Variants in NCOA4 observed in about 807,000 individuals in gnomAD.
The protein encoded by NCOA4 is 70 kDa AR-activator.
In NCOA4, 31 loss-of-function variants were observed where a neutral mutation model predicts 69.5. The ratio of observed to expected loss-of-function variants is 0.45; its 90% CI spans 0.34 to 0.60. NCOA4 has a LOEUF of 0.60. NCOA4 is among the 20% of genes least tolerant of loss of function. NCOA4 has a pLI of 0.02. For synonymous variants in NCOA4, 228 were observed against 252.4 expected, an observed-to-expected ratio of 0.90 and a Z score of 0.92; for missense variants, 600 against 719.2, an observed-to-expected ratio of 0.83 and a Z score of 1.90.
chr10:46,009,107 C>G (rs1554920446), intron 9 of NCOA4: 1 of 1,488,026 alleles, frequency 6.7e-7, no homozygotes, highest in East Asian at 2.5e-5. Flanking sequence ...ATTGCAGTGG[C>G]CTGGAACCAA....
chr10:46,023,833 C>CT (rs1840028455), intron 1 of NCOA4, among the ~76,000 whole-genome samples: 1 of 152,356 alleles, frequency 6.6e-6, no homozygotes, highest in Non-Finnish European at 1.5e-5. Context: ...TATGGTACTT[C>CT]TAGCTTTCCC....
At position 46,006,595 on chromosome 10, in the gene NCOA4, C is replaced by T. The variant is rs781980915; in HGVS notation, c.1842G>A (p.Met614Ile). Reference protein sequence around the residue: ...EKWLYRTPLQM With the variant: ...EKWLYRTPLQI ...TGCTCAACTCTTGTCCATTCCTTCA[C>T]ATCTGTAAAGAGACACCCACAGATG... Residue 614 changes from methionine to isoleucine, a missense_variant and splice_region_variant, in exon 10 of 10, where the codon ATG (methionine) becomes ATA (isoleucine). Met to Ile is a conservative substitution (Grantham distance 10, BLOSUM62 1). Coordinates refer to ENST00000581486, the MANE Select transcript of NCOA4 (RefSeq NM_001145263.2). 1 of 1,613,964 alleles carries T rather than the reference C, an allele frequency of 6.2e-7. No individual in the cohort carries two copies. The highest frequency in any genetic ancestry group is 1.3e-5 in the African/African-American group (1 of 74,934).
chr10:46,024,989 T>C (rs926471054), intron 1 of NCOA4, among the ~76,000 whole-genome samples: 6 of 152,100 alleles, frequency 3.9e-5, no homozygotes, highest in African/African-American at 1.4e-4. Flanking sequence ...CAGATATAGA[T>C]ATGAGAGGGG....
intron 2 of NCOA4, among the ~76,000 whole-genome samples, chr10:46,016,186 A>G (rs1261814576): frequency 6.6e-6 from 1 of 152,238 alleles, no homozygotes; most frequent in Admixed American, 6.5e-5. Context: ...CCTTCATGCA[A>G]TCAAGAGGAT....
chr10:46,023,673 C>T (rs1035217547), intron 1 of NCOA4, among the ~76,000 whole-genome samples: 3 of 152,228 alleles, frequency 2.0e-5, no homozygotes, highest in Admixed American at 2.0e-4. Flanking sequence ...ACCTGGGGCT[C>T]CTCTCCAGCC....
intron 1 of NCOA4, 137 bp from the exon 2 acceptor site, chr10:46,016,831 C>T (rs1839583594): frequency 4.2e-6 from 2 of 473,702 alleles, no homozygotes; most frequent in Non-Finnish European, 6.9e-6. Flanking sequence ...AAACCTAGCA[C>T]ATAAGATACT....
chr10:46,017,639 T>C (rs1839645101), intron 1 of NCOA4, among the ~76,000 whole-genome samples: 1 of 152,288 alleles, frequency 6.6e-6, no homozygotes, highest in African/African-American at 2.4e-5. Context: ...ATGTGCATTA[T>C]ATGTAACAGA....
chr10:46,014,822 C>G (rs781904729), intron 4 of NCOA4, 32 bp downstream of exon 4: 1 of 1,572,422 alleles, frequency 6.4e-7, no homozygotes, highest in Non-Finnish European at 8.7e-7. Context: ...GTTCAAGAGT[C>G]AAAAGTTAAA....
intron 1 of NCOA4, among the ~76,000 whole-genome samples, chr10:46,024,545 C>A (rs1231724417): frequency 2.0e-5 from 3 of 152,176 alleles, no homozygotes; most frequent in African/African-American, 7.2e-5. Flanking sequence ...TTTCTCTCCT[C>A]AAGCCAGCTG....
chr10:46,007,552 C>T (rs1838906755), intron 9 of NCOA4, among the ~76,000 whole-genome samples: 1 of 135,078 alleles, frequency 7.4e-6, no homozygotes, highest in Non-Finnish European at 1.6e-5. Context: ...GATGGACTCT[C>T]TTGTTAGGGA....
intron 1 of NCOA4, chr10:46,023,223 C>A (rs948264689): frequency 1.3e-5 from 13 of 964,172 alleles, no homozygotes; most frequent in Non-Finnish European, 1.6e-5. Flanking sequence ...CCGATTCGCA[C>A]GCAGTTGTGC....
intron 7 of NCOA4, among the ~76,000 whole-genome samples, chr10:46,011,781 C>T (rs1214568454): frequency 5.9e-5 from 9 of 151,506 alleles, no homozygotes; most frequent in South Asian, 4.2e-4. Flanking sequence ...TGGCCGGGTA[C>T]GGTGGTTCAC....
At chr10:46,007,099 A>G (rs1284052716) in intron 9 of NCOA4, among the ~76,000 whole-genome samples, 1 of 152,164 alleles carries the variant, frequency 6.6e-6, no homozygotes, top group East Asian at 1.9e-4. Context: ...TCTGGCTGAA[A>G]AGTTCTTGAA....
rs1839167607 is a variant in NCOA4 at position 46,010,904 on chromosome 10, A to G, written c.1017T>C (p.Asp339=). 3 of 1,613,882 alleles carry G rather than the reference A, an allele frequency of 1.9e-6. No individual in the cohort carries two copies. The highest frequency in any genetic ancestry group is 1.3e-5 in the African/African-American group (1 of 74,932). Residue 339 remains aspartate, a synonymous_variant, in exon 8 of 10, where the codon GAT becomes GAC. Coordinates refer to ENST00000581486, the MANE Select transcript of NCOA4 (RefSeq NM_001145263.2). ...KLLFQSYNVN[D]WLVKTDSCTN... Reference sequence around the variant, plus strand: ...TACAGGAGTCAGTCTTGACAAGCCAATCATTCACATTATAGGACTGGAATA... The same window carrying G: ...TACAGGAGTCAGTCTTGACAAGCCAGTCATTCACATTATAGGACTGGAATA...
intron 1 of NCOA4, among the ~76,000 whole-genome samples, chr10:46,022,869 C>T (rs1839967627): frequency 6.6e-6 from 1 of 152,164 alleles, no homozygotes; most frequent in South Asian, 2.1e-4. Flanking sequence ...TTTCTGAAAT[C>T]CAGAATCTGG....
rs782174928 is a variant in NCOA4, at chr10:46,006,583, T to C, written c.*9A>G. The C allele has an allele frequency of 6.2e-7, 1 of 1,614,034 alleles. No individual in the cohort carries two copies. The highest frequency in any genetic ancestry group is 1.7e-5 in the Admixed American group (1 of 60,032). On this transcript the variant is annotated 3_prime_UTR_variant, in exon 10 of 10. Transcript: ENST00000581486. Reference sequence around the variant, plus strand: ...CAGCAGAAAGGCTGCTCAACTCTTGTCCATTCCTTCACATCTGTAAAGAGA... The same window carrying C: ...CAGCAGAAAGGCTGCTCAACTCTTGCCCATTCCTTCACATCTGTAAAGAGA...
chr10:46,018,959 C>A (rs1839717721), intron 1 of NCOA4, among the ~76,000 whole-genome samples: 1 of 152,094 alleles, frequency 6.6e-6, no homozygotes, highest in African/African-American at 2.4e-5. Context: ...GTGAGTTCTT[C>A]CCTCAGAAAT....
chr10:46,025,430 G>A (rs1457590019), intron 1 of NCOA4, among the ~76,000 whole-genome samples: 1 of 152,140 alleles, frequency 6.6e-6, no homozygotes, highest in Non-Finnish European at 1.5e-5. Context: ...CATTTTACCA[G>A]GTTTCTAGAT....
At chr10:46,012,426 T>A (rs995121716) in intron 7 of NCOA4, among the ~76,000 whole-genome samples, 27 of 152,134 alleles carry the variant, frequency 1.8e-4, no homozygotes, top group Admixed American at 3.9e-4. Context: ...AATCCTTTTT[T>A]ATATCCAGAA....
Sources: allele counts gnomAD v4.1 joint callset (sites outside exome capture counted in the v4.1 genomes callset), GRCh38; gene constraint gnomAD v4.1.1; transcripts MANE v1.5; gene names NCBI Gene and HGNC (gene_info 2026-07-23, HGNC 2026-07-21).